The following LEKR1 variants were observed in gnomAD, a reference collection of about 807,000 sequenced individuals.
LEKR1 encodes protein LEKR1.
LEKR1 carries 59 observed loss-of-function variants against 72.4 expected under a neutral mutation model. The ratio of observed to expected loss-of-function variants is 0.82; its 90% CI spans 0.66 to 1.01. The LOEUF (loss-of-function observed/expected upper bound fraction) is 1.01, where lower values mean the gene tolerates loss of function less well. Among genes scored for constraint, LEKR1 ranks in the 50% least tolerant of loss-of-function variants. The pLI, the probability that LEKR1 is intolerant of heterozygous loss-of-function variation, is 0.00. For synonymous variants in LEKR1, 257 were observed against 263.2 expected (o/e 0.98, Z 0.23); for missense variants, 728 against 759.2 (o/e 0.96, Z 0.48).
At position 156,898,133 on chromosome 3, in the gene LEKR1, G is replaced by A. The variant is rs1721390757; in HGVS notation, c.264-22442G>A. Among the ~76,000 whole-genome samples the A allele has an allele frequency of 2.0e-5, 3 of 152,120 alleles. 1 individual carries two copies. Among genetic ancestry groups the A allele is most frequent in the African/African-American group, 7.2e-5 (3 of 41,440 alleles). On this transcript the variant is annotated intron_variant, in intron 3 of 12. Coordinates refer to ENST00000356539, the MANE Select transcript of LEKR1 (RefSeq NM_001004316.3). ...AAAAAAATATCTAGCTATGTTAATAGGGATTCTTTACAGATGCAAATTTTC... is the reference window on the plus strand; with the variant it reads ...AAAAAAATATCTAGCTATGTTAATAAGGATTCTTTACAGATGCAAATTTTC...
Position 156,885,321 on chromosome 3 carries a change from G to A in LEKR1, c.263+32339G>A, listed in dbSNP as rs181354714. On this transcript the variant is annotated intron_variant, in intron 3 of 12. Coordinates refer to ENST00000356539, the MANE Select transcript of LEKR1 (RefSeq NM_001004316.3). ...CTTCCTGGTTTGGATCCATTGCTGGGGAGCTGGTGTGATCTTTTGGGGATG... is the reference window on the plus strand; with the variant it reads ...CTTCCTGGTTTGGATCCATTGCTGGAGAGCTGGTGTGATCTTTTGGGGATG... Among the ~76,000 whole-genome samples, 1,506 of 152,204 alleles carry A rather than the reference G, an allele frequency of 9.9e-3. 10 individuals are homozygous for A. The highest frequency in any genetic ancestry group is 0.012 in the Non-Finnish European group (815 of 67,990).
chr3:156,888,077 T>G (rs1720287627), intron 3 of LEKR1, among the ~76,000 whole-genome samples: 2 of 152,182 alleles, frequency 1.3e-5, no homozygotes, highest in African/African-American at 4.8e-5. Flanking sequence ...TTGTCTAATA[T>G]GTAGCCTTAG....
chr3:156,851,307 TAA>T (rs1435148470), intron 2 of LEKR1: 2 of 152,234 alleles, frequency 1.3e-5, no homozygotes, highest in African/African-American at 4.8e-5. Context: ...ACATGGTTTC[TAA>T]GAGGACTGGA....
At chr3:156,871,112 C>A (rs918303965) in intron 3 of LEKR1, among the ~76,000 whole-genome samples, 1 of 152,088 alleles carries the variant, frequency 6.6e-6, no homozygotes, top group Non-Finnish European at 1.5e-5. Context: ...CCCCCTCCCC[C>A]CAACCCACAA....
intron 10 of LEKR1, among the ~76,000 whole-genome samples, chr3:157,022,557 A>G (rs1282809773): frequency 6.6e-6 from 1 of 152,114 alleles, no homozygotes; most frequent in East Asian, 1.9e-4. Flanking sequence ...ATGATGTTCC[A>G]GTCACTAACT....
At chr3:156,966,142 TG>T (rs1170650312) in intron 6 of LEKR1, among the ~76,000 whole-genome samples, 1 of 151,968 alleles carries the variant, frequency 6.6e-6, no homozygotes, top group Non-Finnish European at 1.5e-5. Flanking sequence ...TAAATAGTGA[TG>T]GGGGTGGAGC....
rs574218499 is a variant in LEKR1, at chr3:157,035,374, C to G, written c.1668+6972C>G. Among the ~76,000 whole-genome samples, 7 of 152,156 alleles carry G rather than the reference C, an allele frequency of 4.6e-5. No individual in the cohort carries two copies. In the South Asian group the frequency reaches 8.3e-4, roughly 18 times the overall value. ...GATGTCCTCCCAGTTCCCAAGAAGCCCCTGCCCACCATCCTGGCAGAATAC... is the reference window on the plus strand; with the variant it reads ...GATGTCCTCCCAGTTCCCAAGAAGCGCCTGCCCACCATCCTGGCAGAATAC... On this transcript the variant is annotated intron_variant, in intron 12 of 12. Transcript: ENST00000356539.
chr3:156,914,354 C>T (rs184069645), intron 3 of LEKR1, among the ~76,000 whole-genome samples: 130 of 152,150 alleles, frequency 8.5e-4, no homozygotes, highest in African/African-American at 2.9e-3. Flanking sequence ...TGATGTTCCC[C>T]TCCCCGTGTC....
chr3:156,966,331 A>G (rs1728583563), intron 6 of LEKR1, among the ~76,000 whole-genome samples: 1 of 152,102 alleles, frequency 6.6e-6, no homozygotes, highest in Non-Finnish European at 1.5e-5. Context: ...AGGGTGAGGC[A>G]TCGCCTCACC....
chr3:156,852,184 T>C (rs1715449883), intron 2 of LEKR1: 2 of 152,198 alleles, frequency 1.3e-5, no homozygotes, highest in Admixed American at 1.3e-4. Context: ...GTCTGTAAAA[T>C]GGGTATAACC....
At chr3:156,852,642 A>G in intron 2 of LEKR1, 126 bp from the exon 3 acceptor site, 1 of 449,832 alleles carries the variant, frequency 2.2e-6, no homozygotes, top group Non-Finnish European at 3.9e-6. Context: ...CAATGTCGTA[A>G]TTATTGCTCC....
intron 3 of LEKR1, among the ~76,000 whole-genome samples, chr3:156,914,839 T>C (rs916401193): frequency 3.9e-5 from 6 of 152,130 alleles, no homozygotes; most frequent in South Asian, 4.2e-4. Context: ...GTTTGTTATA[T>C]AGGTAAACTT....
intron 2 of LEKR1, among the ~76,000 whole-genome samples, chr3:156,847,111 A>G (rs967675722): frequency 4.6e-5 from 7 of 152,202 alleles, no homozygotes; most frequent in African/African-American, 1.2e-4. Flanking sequence ...CTTGGCCAAG[A>G]GGCACAATTT....
chr3:156,875,992 CAAAAAAAAAA>C (rs55816001), intron 3 of LEKR1, among the ~76,000 whole-genome samples: 2 of 70,178 alleles, frequency 2.8e-5, no homozygotes, highest in Non-Finnish European at 5.3e-5. Flanking sequence ...GACTCCATCT[CAAAAAAAAAA>C]AAAAAAAAAA....
chr3:156,844,906 G>GT (rs3060734), intron 2 of LEKR1, among the ~76,000 whole-genome samples: 51,354 of 143,474 alleles, frequency 0.36, 11,457 homozygotes, highest in African/African-American at 0.64. Flanking sequence ...GTAACTACAG[G>GT]TTTTTTTTTT....
chr3:156,982,445 C>T (rs541394499), intron 7 of LEKR1, among the ~76,000 whole-genome samples: 4 of 152,330 alleles, frequency 2.6e-5, no homozygotes, highest in Admixed American at 2.6e-4. Flanking sequence ...AAACAGCATT[C>T]TCCTTATATT....
At chr3:157,024,556 G>A (rs1046474495) in intron 10 of LEKR1, among the ~76,000 whole-genome samples, 15 of 152,168 alleles carry the variant, frequency 9.9e-5, no homozygotes, top group African/African-American at 3.4e-4. Context: ...TCAGGTCTTA[G>A]AAGGTGGTGG....
intron 3 of LEKR1, among the ~76,000 whole-genome samples, chr3:156,880,144 G>A (rs1303171052): frequency 4.6e-5 from 7 of 152,228 alleles, no homozygotes; most frequent in Non-Finnish European, 1.0e-4. Flanking sequence ...TGAAAAGGCT[G>A]CAGATGCTTT....
chr3:156,854,100 A>AT (rs967001954), intron 3 of LEKR1, among the ~76,000 whole-genome samples: 5 of 132,042 alleles, frequency 3.8e-5, no homozygotes, highest in Non-Finnish European at 8.1e-5. Context: ...TACCCTGCTG[A>AT]TTGTACTGAT....
Sources: allele counts gnomAD v4.1 joint callset (sites outside exome capture counted in the v4.1 genomes callset), GRCh38; gene constraint gnomAD v4.1.1; transcripts MANE v1.5; gene names NCBI Gene and HGNC (gene_info 2026-07-23, HGNC 2026-07-21).